The following CDK6 variants were observed in gnomAD, a reference collection of about 807,000 sequenced individuals.
CDK6 encodes cyclin dependent kinase 6.
A neutral mutation model predicts 37.1 loss-of-function variants in CDK6; 6 were observed. That is an observed-to-expected ratio of 0.16 (90% CI 0.09 to 0.32). The LOEUF is 0.32. Ranked by LOEUF, CDK6 falls within the 10% of genes least tolerant of loss-of-function variation. The pLI is 1.00. For missense variants in CDK6, 224 were observed against 418.9 expected, an observed-to-expected ratio of 0.53 and a Z score of 4.06; for synonymous variants, 160 against 161.3, an observed-to-expected ratio of 0.99 and a Z score of 0.06.
rs142032229 is a variant in CDK6 at position 92,802,139 on chromosome 7, A to G, written c.234-27308T>C. On this transcript the variant is annotated intron_variant, in intron 2 of 7. Coordinates refer to ENST00000424848, the MANE Select transcript of CDK6 (RefSeq NM_001145306.2). ...TGCATCCATCACTGGTGCAACTTAC[A>G]TTGCACCCATCAAACAACCTCTGAT... 1.6e-3 allele frequency among the ~76,000 whole-genome samples: 249 copies of G among 151,876 alleles called. 1 individual carries two copies. The highest frequency in any genetic ancestry group is 6.8e-3 in the Middle Eastern group (2 of 294).
intron 2 of CDK6, among the ~76,000 whole-genome samples, chr7:92,822,636 A>G (rs1268996050): frequency 2.0e-5 from 3 of 152,132 alleles, no homozygotes; most frequent in Admixed American, 6.5e-5. Flanking sequence ...TCTAATGGGA[A>G]GCTGACATTC....
intron 3 of CDK6, among the ~76,000 whole-genome samples, chr7:92,762,636 C>T (rs375436575): frequency 2.1e-4 from 32 of 151,176 alleles, no homozygotes; most frequent in South Asian, 8.4e-4. Flanking sequence ...GGCACAATCT[C>T]GGCTCACTGC....
intron 5 of CDK6, among the ~76,000 whole-genome samples, chr7:92,638,642 C>A (rs527239768): frequency 1.3e-5 from 2 of 152,210 alleles, no homozygotes; most frequent in Non-Finnish European, 2.9e-5. Context: ...CTAACTGACT[C>A]AGAGTCTCTT....
intron 3 of CDK6, among the ~76,000 whole-genome samples, chr7:92,772,881 T>C (rs1277862440): frequency 6.6e-6 from 1 of 152,142 alleles, no homozygotes; most frequent in African/African-American, 2.4e-5. Flanking sequence ...TTTAATATAA[T>C]GCTCAAAAGA....
chr7:92,828,367 G>C (rs974884685), intron 2 of CDK6, among the ~76,000 whole-genome samples: 2 of 151,972 alleles, frequency 1.3e-5, no homozygotes, highest in African/African-American at 4.8e-5. Context: ...GTACTCACCC[G>C]ATTTAACTGC....
intron 4 of CDK6, among the ~76,000 whole-genome samples, chr7:92,717,578 GA>G (rs1283480196): frequency 1.3e-5 from 2 of 152,210 alleles, no homozygotes; most frequent in African/African-American, 4.8e-5. Context: ...TACCCTGATA[GA>G]TGCTGGCTGA....
rs1232981402 is a variant in CDK6 at position 92,614,046 on chromosome 7, G to A, written c.*1094C>T. The A allele has an allele frequency of 2.6e-5, 6 of 233,120 alleles. No homozygotes were observed. The highest frequency in any genetic ancestry group is 5.6e-5 in the Admixed American group (1 of 17,790). 14.4% of individuals were successfully genotyped at this position (233,120 alleles called of 1,614,324 possible). ...GACAAGATGGATACTTTGCCAACAA[G>A]GCAGTGTGTGGCAGAAAGTACAGTG... On this transcript the variant is annotated 3_prime_UTR_variant, in exon 8 of 8. Coordinates refer to ENST00000424848, the MANE Select transcript of CDK6 (RefSeq NM_001145306.2).
At chr7:92,670,372 T>G (rs1797046761) in intron 5 of CDK6, among the ~76,000 whole-genome samples, 1 of 152,198 alleles carries the variant, frequency 6.6e-6, no homozygotes, top group Admixed American at 6.5e-5. Context: ...AAACTTTGTT[T>G]GGTTAAAACC....
chr7:92,709,919 A>G (rs1798049253), intron 4 of CDK6, among the ~76,000 whole-genome samples: 1 of 152,230 alleles, frequency 6.6e-6, no homozygotes, highest in Non-Finnish European at 1.5e-5. Context: ...ATTTCCATGA[A>G]ACTCTAAAGC....
intron 5 of CDK6, among the ~76,000 whole-genome samples, chr7:92,665,842 A>T (rs1751287804): frequency 1.3e-5 from 2 of 152,256 alleles, no homozygotes; most frequent in Non-Finnish European, 1.5e-5. Context: ...ATCAAAGGCG[A>T]TCGAGTCAGG....
intron 4 of CDK6, among the ~76,000 whole-genome samples, chr7:92,718,626 C>T (rs903444268): frequency 3.3e-5 from 5 of 152,128 alleles, no homozygotes; most frequent in Non-Finnish European, 5.9e-5. Context: ...AATTGCATGA[C>T]GCGCACATTC....
At chr7:92,797,772 A>G (rs1800452236) in intron 2 of CDK6, among the ~76,000 whole-genome samples, 1 of 152,224 alleles carries the variant, frequency 6.6e-6, no homozygotes, top group African/African-American at 2.4e-5. Flanking sequence ...GAAAAGGCTA[A>G]TTGTTAGTTT....
At chr7:92,767,370 A>T (rs1278014678) in intron 3 of CDK6, among the ~76,000 whole-genome samples, 1 of 152,204 alleles carries the variant, frequency 6.6e-6, no homozygotes, top group Non-Finnish European at 1.5e-5. Flanking sequence ...TGAAAGCACA[A>T]TATGTATGTT....
At chr7:92,763,985 A>G (rs1799519057) in intron 3 of CDK6, among the ~76,000 whole-genome samples, 1 of 152,140 alleles carries the variant, frequency 6.6e-6, no homozygotes, top group Non-Finnish European at 1.5e-5. Flanking sequence ...AACAAAGCAT[A>G]GTGTTTACAA....
At chr7:92,822,238 T>C (rs1218613240) in intron 2 of CDK6, among the ~76,000 whole-genome samples, 1 of 152,126 alleles carries the variant, frequency 6.6e-6, no homozygotes, top group East Asian at 1.9e-4. Context: ...CATAAAATTA[T>C]GTTCGTAATT....
intron 5 of CDK6, among the ~76,000 whole-genome samples, chr7:92,634,962 A>G (rs1187663725): frequency 6.6e-6 from 1 of 152,166 alleles, no homozygotes. Context: ...TTTTATATTC[A>G]TAGTGAGAAG....
chr7:92,708,844 T>G (rs901530610), intron 4 of CDK6, among the ~76,000 whole-genome samples: 8 of 152,198 alleles, frequency 5.3e-5, no homozygotes, highest in Admixed American at 6.5e-5. Context: ...CAGGAGAAAT[T>G]ACTATACATA....
chr7:92,668,432 A>C (rs145656275), intron 5 of CDK6, among the ~76,000 whole-genome samples: 14 of 152,334 alleles, frequency 9.2e-5, no homozygotes, highest in Admixed American at 8.5e-4. Context: ...GTAGTAAAAA[A>C]AACCTACGTA....
rs139067531 is a variant in CDK6 at position 92,823,642 on chromosome 7, T to C, written c.233+9449A>G. The stretch of plus-strand genomic sequence containing the variant: ...CCCATTTTAACCCAAGATTATTTAA[T>C]AACTTTTTAAAGTGATTCTACATGG... On this transcript the variant is annotated intron_variant, in intron 2 of 7. Transcript: ENST00000424848. Among the ~76,000 whole-genome samples, 785 of 152,102 alleles carry C rather than the reference T, an allele frequency of 5.2e-3. 3 individuals are homozygous for C. Among genetic ancestry groups the C allele is most frequent in the African/African-American group, 0.018 (748 of 41,510 alleles).
Sources: allele counts gnomAD v4.1 joint callset (sites outside exome capture counted in the v4.1 genomes callset), GRCh38; gene constraint gnomAD v4.1.1; transcripts MANE v1.5; gene names NCBI Gene and HGNC (gene_info 2026-07-23, HGNC 2026-07-21).